Variants in MYOM1 observed in about 807,000 individuals in gnomAD.
The protein encoded by MYOM1 is myomesin 1.
Under a neutral mutation model 205.3 loss-of-function variants are expected in MYOM1, and 164 were observed. The ratio of observed to expected loss-of-function variants is 0.80; its 90% CI spans 0.70 to 0.91. The LOEUF (loss-of-function observed/expected upper bound fraction) is 0.91. Ranked by LOEUF, MYOM1 falls within the 40% of genes least tolerant of loss-of-function variation. The pLI, the probability that MYOM1 is intolerant of heterozygous loss-of-function variation, is 0.00. For missense variants in MYOM1, 2,011 were observed against 2,127.3 expected (o/e 0.95, Z 1.08); for synonymous variants, 772 against 789.4 (o/e 0.98, Z 0.37).
chr18:3,111,077 G>A (rs12964308), intron 22 of MYOM1, among the ~76,000 whole-genome samples: 4 of 46 alleles, frequency 0.087, no homozygotes, highest in Non-Finnish European at 0.17. Flanking sequence ...TCAGCCTCCC[G>A]AGCAGCTAGG....
intron 25 of MYOM1, among the ~76,000 whole-genome samples, 196 bp downstream of exon 25, chr18:3,099,963 T>C (rs2079355860): frequency 6.6e-6 from 1 of 152,212 alleles, no homozygotes; most frequent in Non-Finnish European, 1.5e-5. Context: ...GTTAGTATCC[T>C]TGGTATCTCT....
At position 3,099,112 on chromosome 18, in the gene MYOM1, C is replaced by A. The variant is rs532898079; in HGVS notation, c.3727+1047G>T. ...GGGAGTACAGGTGTGAACCGCTGTG[C>A]CCAGCCAAAGTTGGTTTTGAGAACA... On this transcript the variant is annotated intron_variant, in intron 25 of 37. Transcript: ENST00000356443. Among the ~76,000 whole-genome samples the A allele has an allele frequency of 2.0e-5, 3 of 152,302 alleles. No homozygotes were observed. The South Asian group carries it at 6.2e-4, about 32-fold the overall frequency.
At chr18:3,118,370 C>A (rs11874173) in intron 20 of MYOM1, among the ~76,000 whole-genome samples, 70 of 152,070 alleles carry the variant, frequency 4.6e-4, no homozygotes, top group African/African-American at 1.7e-3. Context: ...TAAAGACAGA[C>A]AGAGCCTCAC....
chr18:3,133,801 G>A (rs2079911855), intron 16 of MYOM1, among the ~76,000 whole-genome samples: 1 of 152,194 alleles, frequency 6.6e-6, no homozygotes, highest in Non-Finnish European at 1.5e-5. Context: ...AAAAAAAGAT[G>A]TATTGCATCT....
At chr18:3,121,285 C>T (rs2079687601) in intron 19 of MYOM1, among the ~76,000 whole-genome samples, 1 of 152,192 alleles carries the variant, frequency 6.6e-6, no homozygotes, top group Admixed American at 6.5e-5. Context: ...ATCCTCTGCC[C>T]CCTAAAATCC....
intron 2 of MYOM1, among the ~76,000 whole-genome samples, chr18:3,206,926 A>AT (rs890832794): frequency 5.9e-5 from 9 of 151,662 alleles, no homozygotes; most frequent in Non-Finnish European, 7.4e-5. Context: ...TTGGATTTTA[A>AT]TTTTTTTTGC....
At chr18:3,241,179 C>T in the MYOM1 span, among the ~76,000 whole-genome samples, 3 of 152,258 alleles carry the variant, frequency 2.0e-5, no homozygotes, top group Admixed American at 6.5e-5. Context: ...GAATAAGTAA[C>T]GAGGAGGTGA....
chr18:3,105,716 G>T (rs149840878), intron 22 of MYOM1, among the ~76,000 whole-genome samples: 3,523 of 152,194 alleles, frequency 0.023, 129 homozygotes, highest in African/African-American at 0.081. Context: ...TTAGCCAGGC[G>T]TGGTGGCGCA....
intron 33 of MYOM1, among the ~76,000 whole-genome samples, chr18:3,080,797 A>G (rs1236255971): frequency 6.6e-6 from 1 of 152,218 alleles, no homozygotes; most frequent in Non-Finnish European, 1.5e-5. Context: ...GATGCCATAA[A>G]ATGTAAAGAC....
chr18:3,229,133 C>T, the MYOM1 span, among the ~76,000 whole-genome samples: 60 of 152,322 alleles, frequency 3.9e-4, no homozygotes, highest in African/African-American at 1.3e-3. Context: ...TCTTTTATCA[C>T]CTCTCTGTGA....
chr18:3,218,467 A>C (rs748158117), intron 1 of MYOM1, among the ~76,000 whole-genome samples: 2 of 152,232 alleles, frequency 1.3e-5, no homozygotes, highest in Admixed American at 6.5e-5. Flanking sequence ...GGAAGATATC[A>C]GTCTACAGGG....
rs779096534 is a variant in MYOM1, at chr18:3,134,725, C to T, written c.2309G>A (p.Gly770Glu). 5 of 1,613,908 alleles carry T rather than the reference C, an allele frequency of 3.1e-6. No homozygotes were observed. Among genetic ancestry groups the T allele is most frequent in the Non-Finnish European group, 4.2e-6 (5 of 1,179,864 alleles). Residue 770 changes from glycine to glutamate, a missense_variant, in exon 16 of 38, where the codon GGG (glycine) becomes GAG (glutamate). By Grantham distance (98) the Gly-to-Glu change is moderately conservative. Transcript: ENST00000356443. ...EESKDAKELV[G>E]YYIEASVAGS... The stretch of plus-strand genomic sequence containing the variant: ...AGCAACGCTCGCCTCTATGTAGTAC[C>T]CGACCAGCTCTTTGGCATCTTTGGA...
chr18:3,103,936 T>A (rs2079416827), intron 22 of MYOM1, among the ~76,000 whole-genome samples: 2 of 152,248 alleles, frequency 1.3e-5, no homozygotes, highest in South Asian at 4.1e-4. Flanking sequence ...TAGAGAAGAC[T>A]GGTTCTAGAA....
intron 22 of MYOM1, among the ~76,000 whole-genome samples, chr18:3,108,183 G>C (rs1598677311): frequency 6.6e-6 from 1 of 152,222 alleles, no homozygotes; most frequent in Non-Finnish European, 1.5e-5. Context: ...GATAACTCTA[G>C]GTCTCTCGCT....
intron 8 of MYOM1, among the ~76,000 whole-genome samples, chr18:3,173,573 CGTGTGTGTGTGTGTGTGTGTGTGTGT>C (rs71159051): frequency 7.3e-6 from 1 of 136,914 alleles, no homozygotes; most frequent in African/African-American, 2.7e-5. Context: ...AGTCCAGACT[CGTGTGTGTGTGTGTGTGTGTGTGTGT>C]GTGTGTGTGT....
At chr18:3,196,626 T>C (rs917195490) in intron 2 of MYOM1, among the ~76,000 whole-genome samples, 13 of 152,236 alleles carry the variant, frequency 8.5e-5, no homozygotes, top group African/African-American at 3.1e-4. Flanking sequence ...TCTATGAGCC[T>C]GTAACTGTAT....
At position 3,112,351 on chromosome 18, in the gene MYOM1, C is replaced by T; in HGVS notation, c.3365G>A (p.Gly1122Glu). 2.5e-6 allele frequency: 4 copies of T among 1,612,928 alleles called. No homozygotes were observed. Among genetic ancestry groups the T allele is most frequent in the Middle Eastern group, 1.7e-4 (1 of 6,056 alleles). ...VFRVRAINQA[G>E]VGKPSDLAGP... Reference sequence around the variant, plus strand: ...AGCAAGGTCAGATGGCTTCCCAACTCCCGCCTGGTTTATGGCTCGAACACG... The same window carrying T: ...AGCAAGGTCAGATGGCTTCCCAACTTCCGCCTGGTTTATGGCTCGAACACG... The change falls in exon 22 of 38, where the codon GGA becomes GAA. Residue 1122 changes from glycine to glutamate, a missense_variant. By Grantham distance (98) the Gly-to-Glu change is moderately conservative. Coordinates refer to ENST00000356443, the MANE Select transcript of MYOM1 (RefSeq NM_003803.4).
intron 6 of MYOM1, 95 bp from the exon 7 acceptor site, chr18:3,174,303 T>G: frequency 1.0e-6 from 1 of 998,224 alleles, no homozygotes; most frequent in Non-Finnish European, 1.5e-6. Flanking sequence ...CACAGCCCCC[T>G]GCAAATCAGT....
chr18:3,127,597 C>T (rs1434291165), intron 18 of MYOM1, among the ~76,000 whole-genome samples: 1 of 151,964 alleles, frequency 6.6e-6, no homozygotes, highest in African/African-American at 2.4e-5. Flanking sequence ...GTGTGAATCA[C>T]CACACCTGGC....
Sources: allele counts gnomAD v4.1 joint callset (sites outside exome capture counted in the v4.1 genomes callset), GRCh38; gene constraint gnomAD v4.1.1; transcripts MANE v1.5; gene names NCBI Gene and HGNC (gene_info 2026-07-23, HGNC 2026-07-21).